The following ATF6 variants were observed in gnomAD, a reference collection of about 807,000 sequenced individuals.
ATF6 encodes activating transcription factor 6.
A neutral mutation model predicts 83.6 loss-of-function variants in ATF6; 53 were observed. The observed-to-expected ratio is 0.63, with a 90% confidence interval of 0.51 to 0.80. ATF6 has a LOEUF of 0.80. ATF6 is among the 30% of genes least tolerant of loss of function. ATF6 has a pLI of 0.00. For synonymous variants in ATF6, 288 were observed against 285.8 expected (o/e 1.01, Z -0.08); for missense variants, 744 against 797.9 (o/e 0.93, Z 0.81).
At chr1:161,851,965 G>T in intron 11 of ATF6, 130 bp downstream of exon 11, 1 of 671,298 alleles carries the variant, frequency 1.5e-6, no homozygotes, top group Non-Finnish European at 2.6e-6. Flanking sequence ...GATAACTGTA[G>T]GCATATTAGT....
intron 7 of ATF6, among the ~76,000 whole-genome samples, chr1:161,806,283 A>T (rs1685279811): frequency 6.6e-6 from 1 of 152,252 alleles, no homozygotes; most frequent in Non-Finnish European, 1.5e-5. Context: ...CCAAGGGCTT[A>T]AAAACAAGCA....
chr1:161,868,300 A>G (rs1432069448), intron 14 of ATF6, among the ~76,000 whole-genome samples: 1 of 152,188 alleles, frequency 6.6e-6, no homozygotes, highest in Non-Finnish European at 1.5e-5. Context: ...GTGACAAGAG[A>G]AAAACCTGGG....
intron 7 of ATF6, among the ~76,000 whole-genome samples, chr1:161,812,366 ATTTTCTTTTTTTTTTTTTTTTTTT>A (rs1685492643): frequency 2.7e-5 from 1 of 37,536 alleles, no homozygotes; most frequent in African/African-American, 8.6e-5. Context: ...GGGAGCAGGT[ATTTTCTTTTTTTTTTTTTTTTTTT>A]TTTTTTTTTT....
intron 9 of ATF6, among the ~76,000 whole-genome samples, chr1:161,844,603 G>C (rs537300872): frequency 4.6e-5 from 7 of 152,018 alleles, no homozygotes; most frequent in Middle Eastern, 3.2e-3. Context: ...GGGTCAGTAG[G>C]GGTTGAATTA....
chr1:161,822,721 A>C (rs1249048997), intron 9 of ATF6, among the ~76,000 whole-genome samples: 3 of 152,214 alleles, frequency 2.0e-5, no homozygotes, highest in African/African-American at 7.2e-5. Flanking sequence ...GGAAAGGTAC[A>C]TGATATCATG....
chr1:161,844,234 G>A (rs944194893), intron 9 of ATF6, among the ~76,000 whole-genome samples: 8 of 152,226 alleles, frequency 5.3e-5, no homozygotes, highest in African/African-American at 1.7e-4. Flanking sequence ...CATGTTTATA[G>A]GACAGTGATC....
At chr1:161,937,061 C>T (rs1487362730) in intron 15 of ATF6, among the ~76,000 whole-genome samples, 1 of 152,126 alleles carries the variant, frequency 6.6e-6, no homozygotes, top group Non-Finnish European at 1.5e-5. Flanking sequence ...CACTTTGGAC[C>T]AAATCATCAG....
chr1:161,831,712 A>G (rs550676273), intron 9 of ATF6, among the ~76,000 whole-genome samples: 6 of 145,770 alleles, frequency 4.1e-5, no homozygotes, highest in African/African-American at 2.5e-5. Flanking sequence ...ACCAAACACC[A>G]CATGTTCTCA....
At chr1:161,920,280 C>CTT (rs1688179207) in intron 15 of ATF6, among the ~76,000 whole-genome samples, 1 of 63,610 alleles carries the variant, frequency 1.6e-5, no homozygotes, top group South Asian at 6.1e-4. Context: ...AGTTCTCTTT[C>CTT]TCTCTCTCTC....
intron 3 of ATF6, among the ~76,000 whole-genome samples, chr1:161,782,855 C>T (rs1285021714): frequency 6.6e-6 from 1 of 152,198 alleles, no homozygotes; most frequent in African/African-American, 2.4e-5. Context: ...TTGCTAGAAT[C>T]TATGGGTCAC....
chr1:161,932,510 C>T (rs935030654), intron 15 of ATF6, among the ~76,000 whole-genome samples: 1 of 152,102 alleles, frequency 6.6e-6, no homozygotes, highest in Non-Finnish European at 1.5e-5. Context: ...GTAAACTTGC[C>T]ATTAAAATGA....
At chr1:161,921,217 A>G (rs936615776) in intron 15 of ATF6, among the ~76,000 whole-genome samples, 1 of 152,216 alleles carries the variant, frequency 6.6e-6, no homozygotes, top group Admixed American at 6.5e-5. Flanking sequence ...AAGAGACAGT[A>G]AAGAGAGGAT....
rs930300571 is a variant in ATF6 at position 161,863,156 on chromosome 1, A to G, written c.1605-42A>G. 4 of 1,247,326 alleles carry G rather than the reference A, an allele frequency of 3.2e-6. No individual in the cohort carries two copies. The African/African-American group carries it at 6.1e-5, about 19-fold the overall frequency. The allele number at this position is 1,247,326 out of a possible 1,614,324, so 77.3% of individuals were successfully genotyped here. A position where few individuals can be genotyped will look rare whatever the true frequency, so the allele number is the denominator to read the frequency against. ...TGGGAAGTATTTTGGGAAAACAGGA[A>G]ACTTTTTATTTTAGTAATACCTTAT... On this transcript the variant is annotated intron_variant, in intron 13 of 15. Coordinates refer to ENST00000367942, the MANE Select transcript of ATF6 (RefSeq NM_007348.4).
intron 14 of ATF6, among the ~76,000 whole-genome samples, chr1:161,898,692 C>T (rs1486594408): frequency 7.2e-5 from 11 of 151,900 alleles, no homozygotes; most frequent in Admixed American, 5.2e-4. Context: ...GGACTATAGG[C>T]GCACGCCACC....
At chr1:161,894,480 A>T (rs1687627352) in intron 14 of ATF6, among the ~76,000 whole-genome samples, 1 of 145,058 alleles carries the variant, frequency 6.9e-6, no homozygotes, top group Non-Finnish European at 1.5e-5. Flanking sequence ...ATCGTTTATA[A>T]ATTTTTCTTT....
chr1:161,846,350 A>T, intron 9 of ATF6, 99 bp from the exon 10 acceptor site: 2 of 1,335,212 alleles, frequency 1.5e-6, no homozygotes, highest in East Asian at 2.6e-5. Flanking sequence ...ACGTGCATGG[A>T]TCTGCAAAGG....
intron 14 of ATF6, among the ~76,000 whole-genome samples, chr1:161,897,608 G>A (rs2101876256): frequency 6.6e-6 from 1 of 152,142 alleles, no homozygotes; most frequent in South Asian, 2.1e-4. Context: ...AGCCTGAAAG[G>A]GTCATTTCCC....
chr1:161,864,110 C>T (rs936525462), intron 14 of ATF6, among the ~76,000 whole-genome samples: 4 of 151,636 alleles, frequency 2.6e-5, no homozygotes, highest in African/African-American at 7.3e-5. Context: ...AGGGACCTCA[C>T]TGTGTTGCCC....
chr1:161,947,919 A>G (rs1348911729), intron 15 of ATF6, among the ~76,000 whole-genome samples: 1 of 142,390 alleles, frequency 7.0e-6, no homozygotes, highest in Admixed American at 7.7e-5. Context: ...CTGCCTCCCA[A>G]GTTCAAGTGA....
Sources: allele counts gnomAD v4.1 joint callset (sites outside exome capture counted in the v4.1 genomes callset), GRCh38; gene constraint gnomAD v4.1.1; transcripts MANE v1.5; gene names NCBI Gene and HGNC (gene_info 2026-07-23, HGNC 2026-07-21).